Variants in STK40 observed in about 807,000 individuals in gnomAD.
STK40 encodes serine/threonine kinase 40.
STK40 carries 13 observed loss-of-function variants against 47.9 expected under a neutral mutation model. The ratio of observed to expected loss-of-function variants is 0.27; its 90% CI spans 0.18 to 0.43. STK40 has a LOEUF of 0.43. Among genes scored for constraint, STK40 ranks in the 20% least tolerant of loss-of-function variants. The pLI is 1.00. For missense variants in STK40, 460 were observed against 595.1 expected (o/e 0.77, Z 2.36); for synonymous variants, 225 against 243.2 (o/e 0.93, Z 0.69).
At chr1:36,343,282 C>T in intron 10 of STK40, 82 bp downstream of exon 10, 2 of 1,450,708 alleles carry the variant, frequency 1.4e-6, no homozygotes, top group African/African-American at 1.4e-5. Context: ...CGGGTAGCTG[C>T]CACCTCTGCC....
chr1:36,371,292 C>T (rs1225894258), intron 1 of STK40, among the ~76,000 whole-genome samples: 2 of 151,758 alleles, frequency 1.3e-5, no homozygotes, highest in African/African-American at 2.4e-5. Context: ...TGGTGGCTCA[C>T]GCCTGTAATC....
chr1:36,379,789 A>G (rs539544119), intron 1 of STK40, among the ~76,000 whole-genome samples: 33 of 152,260 alleles, frequency 2.2e-4, no homozygotes, highest in African/African-American at 7.9e-4. Context: ...GGCTGCCCCA[A>G]TTTATTAAAA....
Position 36,381,947 on chromosome 1 carries a change from A to G in STK40, c.-9+3776T>C, listed in dbSNP as rs1226083685. 2.0e-5 allele frequency among the ~76,000 whole-genome samples: 3 copies of G among 152,028 alleles called. No individual in the cohort carries two copies. In the South Asian group the frequency reaches 6.2e-4, roughly 32 times the overall value. On this transcript the variant is annotated intron_variant, in intron 1 of 10. Transcript: ENST00000373132. ...TAACTGGTTAGGAGCCTGCCCCTAGATCACAACCTCCTCCATGGTAGGGCC... is the reference window on the plus strand; with the variant it reads ...TAACTGGTTAGGAGCCTGCCCCTAGGTCACAACCTCCTCCATGGTAGGGCC...
chr1:36,364,711 C>A (rs1490159924), intron 1 of STK40, among the ~76,000 whole-genome samples: 1 of 151,866 alleles, frequency 6.6e-6, no homozygotes, highest in Non-Finnish European at 1.5e-5. Flanking sequence ...GTAATCCCAG[C>A]ACTTTGGGAG....
At chr1:36,362,273 G>C (rs138380126) in intron 1 of STK40, among the ~76,000 whole-genome samples, 257 of 152,302 alleles carry the variant, frequency 1.7e-3, no homozygotes, top group African/African-American at 6.1e-3. Context: ...GCAGGATCCG[G>C]GGGGGACAAG....
At chr1:36,383,622 C>A (rs1216541813) in intron 1 of STK40, among the ~76,000 whole-genome samples, 1 of 152,224 alleles carries the variant, frequency 6.6e-6, no homozygotes, top group East Asian at 1.9e-4. Flanking sequence ...CCAGTGAAAT[C>A]TTTCTAAAAT....
At chr1:36,351,373 G>A (rs1183303737) in intron 6 of STK40, among the ~76,000 whole-genome samples, 5 of 152,132 alleles carry the variant, frequency 3.3e-5, no homozygotes, top group African/African-American at 1.2e-4. Context: ...GTTATAGCCT[G>A]GCATGATGGG....
chr1:36,352,176 C>G (rs1264012950), intron 6 of STK40, among the ~76,000 whole-genome samples: 1 of 152,186 alleles, frequency 6.6e-6, no homozygotes, highest in Non-Finnish European at 1.5e-5. Flanking sequence ...TGGGCCCTCA[C>G]CAGGGGTGTC....
intron 4 of STK40, 135 bp from the exon 5 acceptor site, chr1:36,355,568 A>G: frequency 3.2e-6 from 3 of 942,956 alleles, no homozygotes; most frequent in Non-Finnish European, 4.9e-6. Flanking sequence ...TGCGGGCCAG[A>G]GAGGACTGAG....
In STK40 at chr1:36,358,856, G is replaced by T. The variant is rs558640776; in HGVS notation, c.113-34C>A. On this transcript the variant is annotated intron_variant, in intron 2 of 10. Transcript: ENST00000373132. ...CAGAGAGCTGCTGGTCTACTTTTCAGAAGCCCTGGCTGTCACGACGCCAGG... is the reference window on the plus strand; with the variant it reads ...CAGAGAGCTGCTGGTCTACTTTTCATAAGCCCTGGCTGTCACGACGCCAGG... The T allele has an allele frequency of 1.9e-6, 3 of 1,613,876 alleles. No homozygotes were observed. The South Asian group carries it at 3.3e-5, about 18-fold the overall frequency.
chr1:36,340,535 C>T lies in STK40; in HGVS notation c.*1220G>A, dbSNP rs1412376137. The stretch of plus-strand genomic sequence containing the variant: ...CTGGGGAAGGGTCTTTGCTTGGCAT[C>T]AGGCAGGGCCAAGTCCAGTAAGGGC... On this transcript the variant is annotated 3_prime_UTR_variant, in exon 11 of 11. Coordinates refer to ENST00000373132, the MANE Select transcript of STK40 (RefSeq NM_001282547.2). 6.5e-6 allele frequency: 1 copy of T among 152,748 alleles called. No homozygotes were observed. Among genetic ancestry groups the T allele is most frequent in the Admixed American group, 6.5e-5 (1 of 15,278 alleles). 9.5% of individuals were successfully genotyped at this position (152,748 alleles called of 1,614,324 possible). A position where few individuals can be genotyped will look rare whatever the true frequency, so the allele number is the denominator to read the frequency against.
At chr1:36,352,299 G>A (rs1646765625) in intron 6 of STK40, among the ~76,000 whole-genome samples, 1 of 152,176 alleles carries the variant, frequency 6.6e-6, no homozygotes, top group Admixed American at 6.5e-5. Context: ...ATTAGCACTG[G>A]GGTGTGCCCG....
chr1:36,361,769 C>T (rs1468134103), intron 1 of STK40, among the ~76,000 whole-genome samples: 1 of 152,068 alleles, frequency 6.6e-6, no homozygotes, highest in Admixed American at 6.6e-5. Flanking sequence ...GACCTGCCCT[C>T]CAAATACCTA....
intron 1 of STK40, among the ~76,000 whole-genome samples, chr1:36,384,315 C>A (rs2124756869): frequency 6.6e-6 from 1 of 152,360 alleles, no homozygotes; most frequent in Admixed American, 6.5e-5. Context: ...CAGGCATGAG[C>A]CACGGCGCCC....
At chr1:36,348,410 C>T (rs949014004) in intron 7 of STK40, among the ~76,000 whole-genome samples, 2 of 152,242 alleles carry the variant, frequency 1.3e-5, no homozygotes, top group Non-Finnish European at 2.9e-5. Flanking sequence ...CATAGCTCAA[C>T]TGTCACACCT....
chr1:36,375,605 G>A (rs780308068), intron 1 of STK40, among the ~76,000 whole-genome samples: 6 of 152,148 alleles, frequency 3.9e-5, no homozygotes, highest in Non-Finnish European at 8.8e-5. Context: ...TAGGTGCTGC[G>A]CTTCTCTTTA....
chr1:36,355,492 G>A (rs1646795792), intron 4 of STK40, 59 bp from the exon 5 acceptor site: 2 of 1,553,232 alleles, frequency 1.3e-6, no homozygotes, highest in African/African-American at 1.4e-5. Context: ...CCAAGGCCAG[G>A]GCCTGGGACT....
chr1:36,342,364 G>A (rs558072367), intron 10 of STK40: 31 of 274,470 alleles, frequency 1.1e-4, no homozygotes, highest in Admixed American at 2.5e-4. Context: ...AGCACCTGGA[G>A]GAGCCACATA....
chr1:36,343,276 T>C, intron 10 of STK40, 88 bp downstream of exon 10: 1 of 1,397,048 alleles, frequency 7.2e-7, no homozygotes, highest in South Asian at 1.2e-5. Flanking sequence ...GGCCTGCGGG[T>C]AGCTGCCACC....
Sources: gnomAD v4.1 joint callset for allele counts (sites outside exome capture counted in the v4.1 genomes callset) on GRCh38, gnomAD v4.1.1 for gene constraint, MANE v1.5 for transcripts, NCBI Gene and HGNC (gene_info 2026-07-23, HGNC 2026-07-21) for gene names.